The following SNX29 variants were observed in gnomAD, a reference collection of about 807,000 sequenced individuals.
SNX29 encodes the protein sorting nexin-29.
SNX29 carries 78 observed loss-of-function variants against 102.1 expected under a neutral mutation model. The observed-to-expected ratio is 0.76, with a 90% CI of 0.64 to 0.92. The LOEUF (loss-of-function observed/expected upper bound fraction) is 0.92, where lower values mean the gene tolerates loss of function less well. SNX29 is among the 40% of genes least tolerant of loss of function. SNX29 has a pLI of 0.00. For synonymous variants in SNX29, 580 were observed against 414.5 expected (o/e 1.40, Z -4.85); for missense variants, 1,280 against 1,061.7 (o/e 1.21, Z -2.86).
At chr16:12,283,945 C>G (rs2079513777) in intron 15 of SNX29, among the ~76,000 whole-genome samples, 1 of 152,198 alleles carries the variant, frequency 6.6e-6, no homozygotes, top group Non-Finnish European at 1.5e-5. Flanking sequence ...CTGTAAACTT[C>G]CCCATGCTTC....
chr16:12,504,575 C>T lies in SNX29; in HGVS notation c.2179-20127C>T, dbSNP rs145897896. ...GTCATAGCATGTATCAGTGCAGTAA[C>T]CCCCCTTATCCAAGGTTTTACTTTC... is the stretch of plus-strand genomic sequence containing the variant. On this transcript the variant is annotated intron_variant, in intron 19 of 20. Coordinates refer to ENST00000566228, the MANE Select transcript of SNX29 (RefSeq NM_032167.5). 8.5e-4 allele frequency among the ~76,000 whole-genome samples: 130 copies of T among 152,318 alleles called. 2 individuals carry two copies. In the East Asian group the frequency reaches 0.013, roughly 15 times the overall value.
intron 2 of SNX29, among the ~76,000 whole-genome samples, chr16:12,001,392 C>A (rs1209044420): frequency 6.6e-6 from 1 of 152,224 alleles, no homozygotes; most frequent in East Asian, 1.9e-4. Context: ...GGATTACAGA[C>A]GTGAGCCACC....
intron 20 of SNX29, among the ~76,000 whole-genome samples, chr16:12,565,496 C>A (rs189809448): frequency 6.6e-6 from 1 of 152,192 alleles, no homozygotes; most frequent in Non-Finnish European, 1.5e-5. Context: ...TGCCTCCAAG[C>A]CTGTGTCCCG....
chr16:12,029,735 G>A (rs2057289805), intron 4 of SNX29: 1 of 392,422 alleles, frequency 2.5e-6, no homozygotes, highest in African/African-American at 2.1e-5. Context: ...GGGACTATAG[G>A]TGTGTGCCAC....
At chr16:11,979,470 G>C (rs573821894) in intron 1 of SNX29, among the ~76,000 whole-genome samples, 1 of 152,176 alleles carries the variant, frequency 6.6e-6, no homozygotes, top group Non-Finnish European at 1.5e-5. Flanking sequence ...GAATGCAGTT[G>C]AAAGTGGGTT....
intron 18 of SNX29, among the ~76,000 whole-genome samples, chr16:12,464,720 G>T (rs937864049): frequency 6.6e-6 from 1 of 152,198 alleles, no homozygotes; most frequent in African/African-American, 2.4e-5. Flanking sequence ...CTCCGAAAGA[G>T]TTGGGATTAT....
In SNX29 at chr16:12,568,884, A is replaced by C. The variant is rs2079123430; in HGVS notation, c.*255A>C. On this transcript the variant is annotated 3_prime_UTR_variant, in exon 21 of 21. Transcript: ENST00000566228. ...CACAGTCCTTCTGCTTCTGGGGTCT[A>C]CCCTGGGCTGCAAGGGCTGTTCCTC... The C allele has an allele frequency of 1.9e-6, 1 of 539,616 alleles. No individual in the cohort carries two copies. Among genetic ancestry groups the C allele is most frequent in the Non-Finnish European group, 3.2e-6 (1 of 315,310 alleles). 33.4% of individuals were successfully genotyped at this position (539,616 alleles called of 1,614,324 possible).
chr16:12,165,302 G>A (rs2055970516), intron 13 of SNX29, among the ~76,000 whole-genome samples: 1 of 152,188 alleles, frequency 6.6e-6, no homozygotes, highest in Non-Finnish European at 1.5e-5. Context: ...GCTCCCTTTT[G>A]CAGTGTGCTT....
chr16:12,059,244 G>A (rs894717994), intron 8 of SNX29, among the ~76,000 whole-genome samples: 5 of 152,194 alleles, frequency 3.3e-5, no homozygotes, highest in African/African-American at 9.6e-5. Flanking sequence ...GCAGTGGAGT[G>A]GCCTAGAAAG....
intron 13 of SNX29, among the ~76,000 whole-genome samples, chr16:12,143,925 G>T (rs2054956502): frequency 6.6e-6 from 1 of 152,194 alleles, no homozygotes; most frequent in Non-Finnish European, 1.5e-5. Flanking sequence ...CTGAGGCCCA[G>T]ACTCTCAGGT....
chr16:12,471,375 T>C (rs7206244), intron 18 of SNX29, among the ~76,000 whole-genome samples: 60,251 of 152,000 alleles, frequency 0.4, 11,965 homozygotes, highest in Middle Eastern at 0.47. Context: ...CTCCTCCTCT[T>C]CCAAAGACTT....
At chr16:12,038,488 T>G (rs561053074) in intron 4 of SNX29, among the ~76,000 whole-genome samples, 1 of 152,320 alleles carries the variant, frequency 6.6e-6, no homozygotes, top group African/African-American at 2.4e-5. Flanking sequence ...CCTTGCCCGC[T>G]TTTTGACTTA....
At chr16:12,059,233 G>A (rs1315686291) in intron 8 of SNX29, among the ~76,000 whole-genome samples, 2 of 152,222 alleles carry the variant, frequency 1.3e-5, no homozygotes, top group African/African-American at 4.8e-5. Context: ...CCTGCCCTGA[G>A]GCAGTGGAGT....
chr16:12,359,914 C>G (rs574687077), intron 16 of SNX29, among the ~76,000 whole-genome samples: 1 of 152,298 alleles, frequency 6.6e-6, no homozygotes, highest in African/African-American at 2.4e-5. Context: ...ACCTCCGCCT[C>G]CTGGGTTCAA....
At chr16:12,084,249 T>C (rs1166146987) in intron 11 of SNX29, among the ~76,000 whole-genome samples, 1 of 151,878 alleles carries the variant, frequency 6.6e-6, no homozygotes, top group Non-Finnish European at 1.5e-5. Flanking sequence ...GGATTCAGGC[T>C]ATTCTCCTGC....
At chr16:12,160,892 T>A (rs979634532) in intron 13 of SNX29, among the ~76,000 whole-genome samples, 3 of 152,230 alleles carry the variant, frequency 2.0e-5, no homozygotes, top group African/African-American at 7.2e-5. Context: ...CTTTTGGGTC[T>A]GAAATATTGA....
At chr16:12,247,204 T>A (rs748356870) in intron 14 of SNX29, among the ~76,000 whole-genome samples, 3 of 152,316 alleles carry the variant, frequency 2.0e-5, no homozygotes, top group Non-Finnish European at 4.4e-5. Context: ...TTGGCCGTTA[T>A]AGCAGTCATC....
At chr16:12,507,173 TG>T (rs1378241467) in intron 19 of SNX29, among the ~76,000 whole-genome samples, 1 of 152,218 alleles carries the variant, frequency 6.6e-6, no homozygotes, top group Non-Finnish European at 1.5e-5. Flanking sequence ...GCTGTAGACC[TG>T]GTAAGTGGTG....
At chr16:12,062,517 G>C (rs1287019160) in intron 9 of SNX29, among the ~76,000 whole-genome samples, 3 of 152,118 alleles carry the variant, frequency 2.0e-5, no homozygotes, top group African/African-American at 7.2e-5. Flanking sequence ...CAGGTCATGG[G>C]GAGGACGTGG....
Sources: allele counts gnomAD v4.1 joint callset (sites outside exome capture counted in the v4.1 genomes callset), GRCh38; gene constraint gnomAD v4.1.1; transcripts MANE v1.5; gene names NCBI Gene and HGNC (gene_info 2026-07-23, HGNC 2026-07-21).